Variants in MFAP3L observed in about 807,000 individuals in gnomAD.
MFAP3L encodes the protein microfibrillar-associated protein 3-like.
Under a neutral mutation model 20.0 loss-of-function variants are expected in MFAP3L, and 5 were observed. The observed-to-expected ratio is 0.25, with a 90% CI of 0.13 to 0.53. The LOEUF is 0.53. MFAP3L is among the 20% of genes least tolerant of loss of function. The pLI is 0.96. For missense variants in MFAP3L, 409 were observed against 527.5 expected (o/e 0.78, Z 2.20); for synonymous variants, 219 against 213.0 (o/e 1.03, Z -0.25).
intron 2 of MFAP3L, among the ~76,000 whole-genome samples, chr4:169,998,018 G>A (rs1738321927): frequency 2.0e-5 from 3 of 151,952 alleles, no homozygotes; most frequent in East Asian, 1.9e-4. Context: ...ACCAAACAAC[G>A]TAATAATAAT....
chr4:169,987,905 A>G lies in MFAP3L; in HGVS notation c.*3473T>C, dbSNP rs986066983. 5.9e-5 allele frequency: 9 copies of G among 152,234 alleles called. No homozygotes were observed. The highest frequency in any genetic ancestry group is 1.3e-4 in the Non-Finnish European group (9 of 68,028). The allele number at this position is 152,234 out of a possible 1,614,324, so 9.4% of individuals were successfully genotyped here. Reference sequence around the variant, plus strand: ...CTTCAAAACAAAGTTTCGACAACATAGACTGGTGCAATTAAAAATGAAACA... The same window carrying G: ...CTTCAAAACAAAGTTTCGACAACATGGACTGGTGCAATTAAAAATGAAACA... On this transcript the variant is annotated 3_prime_UTR_variant, in exon 3 of 3. Coordinates refer to ENST00000361618, the MANE Select transcript of MFAP3L (RefSeq NM_021647.8).
chr4:170,009,007 C>G (rs1739211191), intron 1 of MFAP3L, among the ~76,000 whole-genome samples: 1 of 152,166 alleles, frequency 6.6e-6, no homozygotes, highest in African/African-American at 2.4e-5. Context: ...CATAAGATAT[C>G]ACGTGACTCT....
intron 1 of MFAP3L, among the ~76,000 whole-genome samples, chr4:170,009,288 C>T (rs1195336769): frequency 1.3e-5 from 2 of 149,310 alleles, no homozygotes; most frequent in African/African-American, 5.0e-5. Context: ...GAGGCTGGGG[C>T]AGGAGAATCA....
At chr4:170,026,407 G>A (rs1442907528), upstream of MFAP3L, 11 of 509,522 alleles carry the variant, frequency 2.2e-5, no homozygotes, top group South Asian at 6.6e-4. Context: ...CCGGGAGCGC[G>A]GAGCTTCCCA....
intron 1 of MFAP3L, among the ~76,000 whole-genome samples, chr4:170,006,448 A>C (rs1739042071): frequency 6.6e-6 from 1 of 152,308 alleles, no homozygotes; most frequent in South Asian, 2.1e-4. Context: ...CACAACCATA[A>C]GATGTTCCGG....
At chr4:170,009,323 C>A (rs932842862) in intron 1 of MFAP3L, among the ~76,000 whole-genome samples, 3 of 145,688 alleles carry the variant, frequency 2.1e-5, no homozygotes, top group African/African-American at 7.8e-5. Flanking sequence ...GCGGAGGTTA[C>A]AGTGAGCCGA....
Position 169,987,574 on chromosome 4 carries a change from T to A in MFAP3L, c.*3804A>T, listed in dbSNP as rs1413188508. On this transcript the variant is annotated 3_prime_UTR_variant, in exon 3 of 3. Coordinates refer to ENST00000361618, the MANE Select transcript of MFAP3L (RefSeq NM_021647.8). ...CAACACTGTATTTCCTAGGGCAGAA[T>A]AAAAGGTATCTGGTTTGCCTTTCTA... 6.6e-6 allele frequency: 1 copy of A among 152,184 alleles called. No homozygotes were observed. The highest frequency in any genetic ancestry group is 1.5e-5 in the Non-Finnish European group (1 of 68,020). The allele number at this position is 152,184 out of a possible 1,614,324, so 9.4% of individuals were successfully genotyped here.
chr4:170,024,095 T>C (rs1740202092), intron 1 of MFAP3L, among the ~76,000 whole-genome samples: 1 of 152,220 alleles, frequency 6.6e-6, no homozygotes, highest in Non-Finnish European at 1.5e-5. Flanking sequence ...GATCACCTTT[T>C]TTTGTAACAT....
intron 2 of MFAP3L, among the ~76,000 whole-genome samples, chr4:169,999,903 T>G (rs1738493345): frequency 6.6e-6 from 1 of 152,174 alleles, no homozygotes; most frequent in South Asian, 2.1e-4. Flanking sequence ...CGATAATTAT[T>G]TATTGTAGGG....
At chr4:170,004,118 G>A (rs554189952) in intron 2 of MFAP3L, among the ~76,000 whole-genome samples, 34 of 152,158 alleles carry the variant, frequency 2.2e-4, no homozygotes, top group Admixed American at 1.6e-3. Context: ...CACCATGTCC[G>A]GCTAATTTTT....
At position 170,005,706 on chromosome 4, in the gene MFAP3L, C is replaced by T. The variant is rs368188871; in HGVS notation, c.172G>A (p.Val58Ile). The T allele has an allele frequency of 2.7e-5, 44 of 1,614,092 alleles. No individual in the cohort carries two copies. The African/African-American group carries it at 5.2e-4, about 19-fold the overall frequency. Residue 58 changes from valine to isoleucine, a missense_variant, in exon 2 of 3, where the codon GTC becomes ATC. This residue lies in a region of MFAP3L where 113 missense variants were observed against 131.1 expected (regional missense o/e 0.86). Transcript: ENST00000361618. ...VIIARTDHIIVKEGNSALINC... is the reference protein window; with the variant it reads ...VIIARTDHIIIKEGNSALINC... ...ATCAAGGCACTGTTCCCTTCCTTGA[C>T]TATGATATGGTCAGTTCTGGCAATG... is the stretch of plus-strand genomic sequence containing the variant.
intron 2 of MFAP3L, among the ~76,000 whole-genome samples, chr4:170,000,375 T>G (rs1029084287): frequency 1.1e-4 from 17 of 152,218 alleles, no homozygotes; most frequent in Non-Finnish European, 4.4e-5. Context: ...AGAAAACTCT[T>G]TCTTTACAAA....
chr4:169,992,599 A>G lies in MFAP3L; in HGVS notation c.299-290T>C, dbSNP rs1221987724. Among the ~76,000 whole-genome samples the G allele has an allele frequency of 6.6e-6, 1 of 152,250 alleles. No individual in the cohort carries two copies. The highest frequency in any genetic ancestry group is 1.5e-5 in the Non-Finnish European group (1 of 68,042). On this transcript the variant is annotated intron_variant, in intron 2 of 2. Coordinates refer to ENST00000361618, the MANE Select transcript of MFAP3L (RefSeq NM_021647.8). The surrounding 1 kb of genome is among the most constrained non-coding windows in gnomAD (Gnocchi z 4.3). ...CCAAGGGCACCGGCTTGGAAGCCGT[A>G]GAACTGAAGATGAACTTGAGTTCCA...
rs777411809 is a variant in MFAP3L at position 169,991,368 on chromosome 4, G to A, written c.*10C>T. 12 of 1,606,732 alleles carry A rather than the reference G, an allele frequency of 7.5e-6. No homozygotes were observed. The highest frequency in any genetic ancestry group is 6.7e-5 in the African/African-American group (5 of 74,490). ...ATTTTCTTGATATGCATAGCTTTTCGGGGTTGGTATTAGACATGGCTTTCG... is the reference window on the plus strand; with the variant it reads ...ATTTTCTTGATATGCATAGCTTTTCAGGGTTGGTATTAGACATGGCTTTCG... On this transcript the variant is annotated 3_prime_UTR_variant, in exon 3 of 3. Coordinates refer to ENST00000361618, the MANE Select transcript of MFAP3L (RefSeq NM_021647.8). This position sits in a 1 kb window ranked among gnomAD's most constrained non-coding sequence, Gnocchi z 4.9.
Position 169,991,623 on chromosome 4 carries a change from G to A in MFAP3L, c.985C>T (p.His329Tyr), listed in dbSNP as rs559405996. ...VSVHPQSKKE[H>Y]ADDQEGGQFE... ...TGTCCACCCTCTTGGTCATCTGCAT[G>A]CTCTTTTTTGGACTGCGGGTGAACT... The change falls in exon 3 of 3, where the codon CAT (histidine) becomes TAT (tyrosine). Residue 329 changes from histidine to tyrosine, a missense_variant. Coordinates refer to ENST00000361618, the MANE Select transcript of MFAP3L (RefSeq NM_021647.8). This position sits in a 1 kb window ranked among gnomAD's most constrained non-coding sequence, Gnocchi z 4.9. 6.2e-7 allele frequency: 1 copy of A among 1,614,126 alleles called. No individual in the cohort carries two copies. Among genetic ancestry groups the A allele is most frequent in the African/African-American group, 1.3e-5 (1 of 75,010 alleles).
At position 170,005,965 on chromosome 4, in the gene MFAP3L, G is replaced by T. The variant is rs1739006044; in HGVS notation, c.-88C>A. On this transcript the variant is annotated 5_prime_UTR_variant, in exon 2 of 3. Transcript: ENST00000361618. ...AACACACTGTTCACAGCAGGTCATG[G>T]GACAAACCTGTCCTGGGTCCATAGA... The T allele has an allele frequency of 4.0e-6, 6 of 1,502,598 alleles. No homozygotes were observed. In the South Asian group the frequency reaches 6.6e-5, roughly 17 times the overall value. 93.1% of individuals were successfully genotyped at this position (1,502,598 alleles called of 1,614,324 possible).
At chr4:169,995,110 A>C (rs948054090) in intron 2 of MFAP3L, 2 of 152,228 alleles carry the variant, frequency 1.3e-5, no homozygotes, top group Admixed American at 6.5e-5. Context: ...TCTGGAAACA[A>C]TCATCATCTT....
At chr4:170,016,222 T>C (rs964246122) in intron 1 of MFAP3L, among the ~76,000 whole-genome samples, 2 of 152,172 alleles carry the variant, frequency 1.3e-5, no homozygotes, top group Admixed American at 6.5e-5. Context: ...CAGCAGTTCG[T>C]CATTCAGTGT....
rs191168524 is a variant in MFAP3L, at chr4:170,007,158, G to A, written c.-133-1148C>T. ...CTTCAGATCATATTTTTTTTCAGTA[G>A]GAAAGAAAAGAGTTTTGTTTTGCCA... is the stretch of plus-strand genomic sequence containing the variant. On this transcript the variant is annotated intron_variant, in intron 1 of 2. Transcript: ENST00000361618. Among the ~76,000 whole-genome samples the A allele has an allele frequency of 2.6e-5, 4 of 152,128 alleles. No individual in the cohort carries two copies. In the East Asian group the frequency reaches 7.7e-4, roughly 29 times the overall value.
Sources: gnomAD v4.1 joint callset for allele counts (sites outside exome capture counted in the v4.1 genomes callset) on GRCh38, gnomAD v4.1.1 for gene constraint, gnomAD v4.1.1 regional missense constraint, Gnocchi (gnomAD v3.1) non-coding constraint, MANE v1.5 for transcripts, NCBI Gene and HGNC (gene_info 2026-07-23, HGNC 2026-07-21) for gene names.